C4orf50: variants seen among roughly 807,000 people sequenced by gnomAD.
C4orf50 encodes chromosome 4 open reading frame 50.
A neutral mutation model predicts 77.2 loss-of-function variants in C4orf50; 80 were observed. That is an observed-to-expected ratio of 1.04 (90% CI 0.87 to 1.25). The LOEUF is 1.25. Among genes scored for constraint, C4orf50 ranks in the 50% most tolerant of loss-of-function variants. The probability of loss-of-function intolerance (pLI) is 0.00; values close to 1 mark genes in which losing one functional copy is unlikely to be tolerated. For missense variants in C4orf50, 1,257 were observed against 1,152.9 expected (o/e 1.09, Z -1.31); for synonymous variants, 532 against 465.3 (o/e 1.14, Z -1.84).
intron 7 of C4orf50, among the ~76,000 whole-genome samples, chr4:5,926,756 C>T (rs1020833437): frequency 6.6e-6 from 1 of 152,142 alleles, no homozygotes; most frequent in Non-Finnish European, 1.5e-5. Context: ...AAAAGCAGCG[C>T]CCAGGCCCAC....
intron 7 of C4orf50, chr4:5,902,303 T>G (rs1021679336): frequency 6.6e-6 from 1 of 152,272 alleles, no homozygotes; most frequent in Admixed American, 6.5e-5. Context: ...CCCCCTGTGC[T>G]GTCAAGGACA....
intron 25 of C4orf50, among the ~76,000 whole-genome samples, chr4:5,994,869 G>A (rs1185642283): frequency 6.6e-6 from 1 of 152,112 alleles, no homozygotes; most frequent in Non-Finnish European, 1.5e-5. Flanking sequence ...AGGCATTACC[G>A]CCTGAGCTCC....
intron 7 of C4orf50, among the ~76,000 whole-genome samples, chr4:5,951,702 G>GAGTCTGA (rs1182618129): frequency 6.6e-6 from 1 of 152,142 alleles, no homozygotes; most frequent in Non-Finnish European, 1.5e-5. Context: ...AAGCTGAAGA[G>GAGTCTGA]AGTCTGAAGT....
chr4:6,003,494 ATGT>A (rs140427856), intron 25 of C4orf50, among the ~76,000 whole-genome samples: 4 of 102,412 alleles, frequency 3.9e-5, no homozygotes, highest in Non-Finnish European at 6.4e-5. Context: ...GGTGATGGTG[ATGT>A]TGGTGATGAT....
At chr4:5,927,496 T>G (rs1717569725) in intron 7 of C4orf50, among the ~76,000 whole-genome samples, 1 of 151,818 alleles carries the variant, frequency 6.6e-6, no homozygotes, top group Admixed American at 6.6e-5. Context: ...GTAAACCCCA[T>G]GTGTTGAGGG....
chr4:5,989,798 C>A, exon 28 of C4orf50: 1 of 1,512,074 alleles, frequency 6.6e-7, no homozygotes, highest in Non-Finnish European at 8.8e-7. Context: ...TCCTGGGAGT[C>A]AGGCTCCTCG....
intron 25 of C4orf50, among the ~76,000 whole-genome samples, chr4:5,995,474 A>AACACACACACACACACACACACACACAC (rs55858229): frequency 7.5e-6 from 1 of 133,956 alleles, no homozygotes; most frequent in Non-Finnish European, 1.6e-5. Context: ...TGGGACTGGA[A>AACACACACACACACACACACACACACAC]ACACACACAC....
At chr4:5,966,972 G>A (rs1560569845) in intron 32 of C4orf50, among the ~76,000 whole-genome samples, 1 of 152,196 alleles carries the variant, frequency 6.6e-6, no homozygotes, top group Non-Finnish European at 1.5e-5. Flanking sequence ...TTCAAACTTA[G>A]TAGAACATGG....
chr4:5,910,853 C>T (rs1716772402), intron 7 of C4orf50, among the ~76,000 whole-genome samples: 1 of 151,480 alleles, frequency 6.6e-6, no homozygotes, highest in South Asian at 2.1e-4. Flanking sequence ...GCACCATGTC[C>T]CTATTTGTCT....
intron 29 of C4orf50, among the ~76,000 whole-genome samples, chr4:5,978,662 C>G (rs189961374): frequency 2.0e-5 from 3 of 152,166 alleles, no homozygotes; most frequent in Non-Finnish European, 4.4e-5. Context: ...GAAGTGGATA[C>G]CACTACTTTG....
chr4:5,938,787 T>C (rs1718143033), intron 7 of C4orf50, among the ~76,000 whole-genome samples: 1 of 116,524 alleles, frequency 8.6e-6, no homozygotes. Flanking sequence ...GTCAGTTTTT[T>C]TTCTTTTCTT....
chr4:6,008,326 G>T lies in C4orf50; in HGVS notation c.633C>A (p.Arg211=). The change falls in exon 25 of 34, where the codon CGC becomes CGA. Residue 211 remains arginine, a synonymous_variant. Coordinates refer to ENST00000531445, the Ensembl canonical transcript of C4orf50. This position sits in a 1 kb window ranked among gnomAD's most constrained non-coding sequence, Gnocchi z 6.0. The stretch of plus-strand genomic sequence containing the variant: ...GCAGGAGGCCCGCGGCGCGGCAGAG[G>T]CGCCGCACGTTGCGCTCCAGCCGCT... 1 of 388,790 alleles carries T rather than the reference G, an allele frequency of 2.6e-6. No individual in the cohort carries two copies. The highest frequency in any genetic ancestry group is 4.5e-6 in the Non-Finnish European group (1 of 219,862). 24.1% of individuals were successfully genotyped at this position (388,790 alleles called of 1,614,324 possible). A position where few individuals can be genotyped will look rare whatever the true frequency, so the allele number is the denominator to read the frequency against.
At chr4:5,954,515 G>C (rs1718864711), downstream of C4orf50, among the ~76,000 whole-genome samples, 1 of 152,124 alleles carries the variant, frequency 6.6e-6, no homozygotes, top group Non-Finnish European at 1.5e-5. This position sits in a 1 kb window ranked among gnomAD's most constrained non-coding sequence, Gnocchi z 4.7. Context: ...GAGAAAAGAT[G>C]GACTGGGAGG....
At chr4:5,933,347 G>A (rs542244256) in intron 7 of C4orf50, among the ~76,000 whole-genome samples, 3 of 152,270 alleles carry the variant, frequency 2.0e-5, no homozygotes, top group East Asian at 3.9e-4. Flanking sequence ...CCAAGGTCCC[G>A]AGTCTGCCAC....
intron 7 of C4orf50, among the ~76,000 whole-genome samples, chr4:5,924,047 A>G (rs1311226937): frequency 6.6e-6 from 1 of 152,196 alleles, no homozygotes; most frequent in African/African-American, 2.4e-5. Context: ...TCTGGGACCT[A>G]CACCAGTGGT....
At chr4:5,960,135 G>T (rs1038509114) in intron 33 of C4orf50, among the ~76,000 whole-genome samples, 1 of 152,210 alleles carries the variant, frequency 6.6e-6, no homozygotes. Flanking sequence ...CCACTTAACA[G>T]TTTAAGAGAT....
chr4:6,008,699 T>C lies in C4orf50; in HGVS notation c.427-167A>G, dbSNP rs183248551. On this transcript the variant is annotated intron_variant, in intron 24 of 33. Transcript: ENST00000531445. The surrounding 1 kb of genome is among the most constrained non-coding windows in gnomAD (Gnocchi z 6.0). ...TATTATCTCTTTGACTGTTTTGGCA[T>C]CCTCTTAAATTTTGCACGGAGGCAA... Among the ~76,000 whole-genome samples, 78 of 152,336 alleles carry C rather than the reference T, an allele frequency of 5.1e-4. 1 individual carries two copies. Among genetic ancestry groups the C allele is most frequent in the Admixed American group, 1.0e-3 (16 of 15,306 alleles).
chr4:5,900,878 G>A lies in C4orf50; in HGVS notation c.*2475-2690C>T, dbSNP rs1368338397. 1 of 152,228 alleles carries A rather than the reference G, an allele frequency of 6.6e-6. No individual in the cohort carries two copies. The highest frequency in any genetic ancestry group is 1.5e-5 in the Non-Finnish European group (1 of 68,042). 9.4% of individuals were successfully genotyped at this position (152,228 alleles called of 1,614,324 possible). ...ATCACTGACCTGCTGGCTTGCCTGG[G>A]AAGGGCAATGGCAGGGCCACTCTGA... On this transcript the variant is annotated intron_variant, in intron 7 of 7. Coordinates refer to the C4orf50 transcript ENST00000324058. The surrounding 1 kb of genome is among the most constrained non-coding windows in gnomAD (Gnocchi z 4.3).
intron 31 of C4orf50, among the ~76,000 whole-genome samples, chr4:5,968,888 G>A (rs917511737): frequency 6.6e-6 from 1 of 152,006 alleles, no homozygotes; most frequent in African/African-American, 2.4e-5. Flanking sequence ...CCCTGCATTC[G>A]GTATGTGGTT....
Sources: allele counts gnomAD v4.1 joint callset (sites outside exome capture counted in the v4.1 genomes callset), GRCh38; gene constraint gnomAD v4.1.1; non-coding constraint Gnocchi (gnomAD v3.1); transcripts MANE v1.5; gene names NCBI Gene and HGNC (gene_info 2026-07-23, HGNC 2026-07-21).